Variants in FBXL17 observed in about 807,000 individuals in gnomAD.
FBXL17 encodes F-box/LRR-repeat protein 17.
A neutral mutation model predicts 66.2 loss-of-function variants in FBXL17; 22 were observed. The observed-to-expected ratio is 0.33, with a 90% confidence interval of 0.24 to 0.47. The LOEUF (loss-of-function observed/expected upper bound fraction) is 0.47. Ranked by LOEUF, FBXL17 falls within the 20% of genes least tolerant of loss-of-function variation. The pLI, the probability that FBXL17 is intolerant of heterozygous loss-of-function variation, is 1.00. For missense variants in FBXL17, 878 were observed against 948.2 expected, an observed-to-expected ratio of 0.93 and a Z score of 0.97; for synonymous variants, 474 against 400.5, an observed-to-expected ratio of 1.18 and a Z score of -2.19.
intron 5 of FBXL17, among the ~76,000 whole-genome samples, chr5:108,218,524 T>C (rs1754709829): frequency 2.0e-5 from 3 of 152,188 alleles, no homozygotes; most frequent in Admixed American, 1.3e-4. Flanking sequence ...ACAATGGCTA[T>C]ACTAATTTAC....
At chr5:108,103,765 T>C (rs1217861655) in intron 6 of FBXL17, among the ~76,000 whole-genome samples, 1 of 151,312 alleles carries the variant, frequency 6.6e-6, no homozygotes, top group Non-Finnish European at 1.5e-5. Flanking sequence ...GGGCTTTTAT[T>C]ATAGTTAAAA....
chr5:107,879,023 T>A (rs1291945252), intron 8 of FBXL17: 91 of 985,344 alleles, frequency 9.2e-5, no homozygotes, highest in Non-Finnish European at 1.1e-4. Flanking sequence ...TCTATTTAAT[T>A]TTGGACTAAT....
chr5:107,877,997 A>G (rs916678052), intron 8 of FBXL17, among the ~76,000 whole-genome samples: 2 of 151,954 alleles, frequency 1.3e-5, no homozygotes, highest in Non-Finnish European at 2.9e-5. Context: ...AAGTACTTGA[A>G]CAGTCTTATC....
chr5:108,230,509 G>A (rs1296131127), intron 4 of FBXL17, among the ~76,000 whole-genome samples: 2 of 152,172 alleles, frequency 1.3e-5, no homozygotes, highest in Non-Finnish European at 2.9e-5. Context: ...TCATAAGTGG[G>A]AGCTAAGCTA....
At chr5:107,895,839 G>T (rs972186833) in intron 7 of FBXL17, among the ~76,000 whole-genome samples, 1 of 152,058 alleles carries the variant, frequency 6.6e-6, no homozygotes, top group Non-Finnish European at 1.5e-5. Context: ...TTCCTCCCAG[G>T]TTTCTATGTT....
chr5:107,905,924 A>G (rs1299665956), intron 7 of FBXL17, among the ~76,000 whole-genome samples: 1 of 152,212 alleles, frequency 6.6e-6, no homozygotes, highest in East Asian at 1.9e-4. Context: ...TCTGGGCAAC[A>G]TTTCTTAGAA....
intron 4 of FBXL17, among the ~76,000 whole-genome samples, chr5:108,231,679 T>C (rs952285481): frequency 6.6e-6 from 1 of 152,132 alleles, no homozygotes; most frequent in East Asian, 1.9e-4. Flanking sequence ...CCTGTTCATC[T>C]TGAGCTCCTC....
intron 7 of FBXL17, among the ~76,000 whole-genome samples, chr5:107,973,470 G>A (rs572379424): frequency 9.9e-5 from 15 of 150,910 alleles, no homozygotes; most frequent in Non-Finnish European, 1.8e-4. Context: ...CAAAAGATTG[G>A]ACACCCCATT....
rs1750877544 is a variant in FBXL17 at position 107,935,527 on chromosome 5, T to C, written c.1823-54348A>G. On this transcript the variant is annotated intron_variant, in intron 7 of 8. Transcript: ENST00000542267. ...AATGGAACGCTTTTCACAGTGATAG[T>C]TAAGAATCTTTAAGAAAGAAGACGA... Among the ~76,000 whole-genome samples the C allele has an allele frequency of 2.0e-5, 3 of 152,168 alleles. No homozygotes were observed. The East Asian group carries it at 5.8e-4, about 29-fold the overall frequency.
chr5:107,938,040 A>G (rs564973232), intron 7 of FBXL17, among the ~76,000 whole-genome samples: 6 of 152,316 alleles, frequency 3.9e-5, no homozygotes, highest in African/African-American at 1.4e-4. Flanking sequence ...AATACTTTAA[A>G]TAACAGTAAA....
Position 108,219,928 on chromosome 5 carries a change from C to CTTTTTTTTTTTTTTTTTTTTT in FBXL17, c.1614+4172_1614+4192dup. Among the ~76,000 whole-genome samples the CTTTTTTTTTTTTTTTTTTTTT allele has an allele frequency of 1.8e-3, 68 of 37,466 alleles. 1 individual carries two copies. Among genetic ancestry groups the CTTTTTTTTTTTTTTTTTTTTT allele is most frequent in the Non-Finnish European group, 2.1e-3 (47 of 21,884 alleles). The allele number at this position is 37,466 out of a possible 152,430, so 24.6% of individuals were successfully genotyped here. A position where few individuals can be genotyped will look rare whatever the true frequency, so the allele number is the denominator to read the frequency against. On this transcript the variant is annotated intron_variant, in intron 5 of 8. Transcript: ENST00000542267. ...TTTCCTCTTTGATCTTTACTATTTC[C>CTTTTTTTTTTTTTTTTTTTTT]TTTTTTTTTTTTTTTTTTTTTTTGC...
intron 7 of FBXL17, among the ~76,000 whole-genome samples, chr5:107,885,443 A>G (rs1437029144): frequency 6.6e-6 from 1 of 152,232 alleles, no homozygotes; most frequent in Non-Finnish European, 1.5e-5. Flanking sequence ...GTACAAAATT[A>G]CTTCCGTATA....
intron 6 of FBXL17, among the ~76,000 whole-genome samples, chr5:108,116,825 T>A (rs2149959795): frequency 6.6e-6 from 1 of 152,218 alleles, no homozygotes; most frequent in South Asian, 2.1e-4. Context: ...TAATTCCCAA[T>A]CTGGCCAGCA....
intron 7 of FBXL17, among the ~76,000 whole-genome samples, chr5:107,991,761 C>T (rs2112694087): frequency 6.6e-6 from 1 of 152,230 alleles, no homozygotes; most frequent in Non-Finnish European, 1.5e-5. Flanking sequence ...TTAAATACTG[C>T]TTATGCTGGG....
intron 4 of FBXL17, among the ~76,000 whole-genome samples, chr5:108,334,644 C>T (rs1259158220): frequency 6.6e-6 from 1 of 152,168 alleles, no homozygotes; most frequent in African/African-American, 2.4e-5. Flanking sequence ...TTTATTTTCG[C>T]TTCTTCATCT....
intron 7 of FBXL17, among the ~76,000 whole-genome samples, chr5:107,920,454 C>G (rs1750276307): frequency 6.6e-6 from 1 of 152,174 alleles, no homozygotes; most frequent in Admixed American, 6.5e-5. Context: ...ATCTTAGTAG[C>G]ACACTGCCTT....
At chr5:107,982,594 T>C (rs183069552) in intron 7 of FBXL17, among the ~76,000 whole-genome samples, 135 of 152,302 alleles carry the variant, frequency 8.9e-4, no homozygotes, top group Middle Eastern at 3.4e-3. Context: ...ACTTCATTTA[T>C]GGAGATTTTA....
chr5:108,105,486 T>C (rs1376159525), intron 6 of FBXL17, among the ~76,000 whole-genome samples: 1 of 152,234 alleles, frequency 6.6e-6, no homozygotes, highest in African/African-American at 2.4e-5. Context: ...GTTCTCAAAG[T>C]TGCCTTTATC....
intron 8 of FBXL17, among the ~76,000 whole-genome samples, chr5:107,871,069 A>AAAAAAAAAAC (rs1561511893): frequency 1.5e-5 from 2 of 130,172 alleles, no homozygotes; most frequent in African/African-American, 6.4e-5. Flanking sequence ...AAAAAAAAAA[A>AAAAAAAAAAC]AAAAAAAAAA....
Sources: gnomAD v4.1 joint callset for allele counts (sites outside exome capture counted in the v4.1 genomes callset) on GRCh38, gnomAD v4.1.1 for gene constraint, MANE v1.5 for transcripts, NCBI Gene and HGNC (gene_info 2026-07-23, HGNC 2026-07-21) for gene names.